PIK3C2G: variants seen among roughly 807,000 people sequenced by gnomAD.
PIK3C2G encodes phosphatidylinositol 3-kinase C2 domain-containing subunit gamma.
Under a neutral mutation model 181.1 loss-of-function variants are expected in PIK3C2G, and 168 were observed. That is an observed-to-expected ratio of 0.93 (90% CI 0.82 to 1.05). The LOEUF (loss-of-function observed/expected upper bound fraction) is 1.05. Ranked by LOEUF, PIK3C2G falls within the 50% of genes least tolerant of loss-of-function variation. PIK3C2G has a pLI of 0.00. For synonymous variants in PIK3C2G, 573 were observed against 592.2 expected (o/e 0.97, Z 0.47); for missense variants, 1,869 against 1,732.8 (o/e 1.08, Z -1.40).
At chr12:18,251,825 C>A (rs375482628) in intron 1 of PIK3C2G, among the ~76,000 whole-genome samples, 63 of 151,980 alleles carry the variant, frequency 4.1e-4, no homozygotes, top group African/African-American at 1.3e-3. Flanking sequence ...AGGATGTCTG[C>A]AAATTAAGCT....
chr12:18,415,424 TG>T (rs1945120338), intron 16 of PIK3C2G, among the ~76,000 whole-genome samples: 1 of 152,204 alleles, frequency 6.6e-6, no homozygotes, highest in Non-Finnish European at 1.5e-5. Context: ...CCATTAATGT[TG>T]TGTGTGTTCT....
chr12:18,503,455 A>G (rs1200938631), intron 23 of PIK3C2G, 38 bp downstream of exon 23: 1 of 1,435,002 alleles, frequency 7.0e-7, no homozygotes, highest in Admixed American at 2.2e-5. Context: ...TAATGTACTT[A>G]AATAAGAATA....
chr12:18,598,737 G>A (rs1383104481), intron 30 of PIK3C2G, among the ~76,000 whole-genome samples: 73 of 147,436 alleles, frequency 5.0e-4, no homozygotes, highest in African/African-American at 1.1e-3. Context: ...GAAAATTTTC[G>A]CAACCTACTC....
intron 11 of PIK3C2G, among the ~76,000 whole-genome samples, chr12:18,353,899 A>G (rs768131313): frequency 3.3e-5 from 5 of 152,202 alleles, no homozygotes; most frequent in Admixed American, 6.5e-5. Flanking sequence ...CAAGTCCTAC[A>G]TAAATCCTCC....
intron 11 of PIK3C2G, chr12:18,358,414 C>G (rs58142149): frequency 0.037 from 6,522 of 175,448 alleles, 231 homozygotes; most frequent in African/African-American, 0.1. Context: ...GGCACCTTAA[C>G]TCAGCATTTG....
chr12:18,319,777 T>C (rs1951025573), intron 6 of PIK3C2G, among the ~76,000 whole-genome samples: 1 of 152,180 alleles, frequency 6.6e-6, no homozygotes, highest in African/African-American at 2.4e-5. Context: ...TTCCCTCTTC[T>C]TTTACTGTAC....
At chr12:18,274,334 C>G (rs371575430) in intron 1 of PIK3C2G, among the ~76,000 whole-genome samples, 1 of 152,174 alleles carries the variant, frequency 6.6e-6, no homozygotes, top group South Asian at 2.1e-4. Flanking sequence ...AATCATGCTG[C>G]TATAAAGACA....
intron 11 of PIK3C2G, chr12:18,358,627 A>G (rs1940962217): frequency 4.1e-6 from 2 of 486,396 alleles, no homozygotes; most frequent in Non-Finnish European, 8.3e-6. Context: ...TTAACCAAAA[A>G]AAATTCCTAT....
At chr12:18,454,331 A>T (rs1592299810) in intron 18 of PIK3C2G, among the ~76,000 whole-genome samples, 1 of 152,196 alleles carries the variant, frequency 6.6e-6, no homozygotes, top group Non-Finnish European at 1.5e-5. Flanking sequence ...TTTTAGATAA[A>T]TCACCTGGGG....
chr12:18,632,410 A>G (rs185481847), intron 31 of PIK3C2G, among the ~76,000 whole-genome samples: 151 of 152,302 alleles, frequency 9.9e-4, no homozygotes, highest in Non-Finnish European at 2.0e-3. Context: ...ATGAAAAGTT[A>G]AGATACCTGC....
At chr12:18,326,756 T>C (rs1000131396) in intron 8 of PIK3C2G, among the ~76,000 whole-genome samples, 1 of 152,176 alleles carries the variant, frequency 6.6e-6, no homozygotes, top group Non-Finnish European at 1.5e-5. Flanking sequence ...TCATGTAGAA[T>C]GTGAAACTTA....
At chr12:18,409,323 C>T (rs1015334849) in intron 16 of PIK3C2G, among the ~76,000 whole-genome samples, 4 of 152,046 alleles carry the variant, frequency 2.6e-5, no homozygotes, top group Admixed American at 2.0e-4. Context: ...CAACTGTTCT[C>T]GCTTGTAAGT....
chr12:18,398,022 T>A (rs1943998749), intron 15 of PIK3C2G, among the ~76,000 whole-genome samples: 1 of 152,098 alleles, frequency 6.6e-6, no homozygotes, highest in South Asian at 2.1e-4. Flanking sequence ...AAGCCATAAA[T>A]AAAAACATAT....
chr12:18,273,274 C>T lies in PIK3C2G; in HGVS notation c.-78-8730C>T, dbSNP rs554425291. On this transcript the variant is annotated intron_variant, in intron 1 of 32. Coordinates refer to ENST00000538779, the MANE Select transcript of PIK3C2G (RefSeq NM_001288772.2). ...TTTTTGTCAGGTTTGTCAACGATCA[C>T]ATAGTTGTAGATATACGGCATTATT... is the stretch of plus-strand genomic sequence containing the variant. Among the ~76,000 whole-genome samples, 5 of 152,236 alleles carry T rather than the reference C, an allele frequency of 3.3e-5. No homozygotes were observed. In the South Asian group the frequency reaches 8.3e-4, roughly 25 times the overall value.
At chr12:18,354,363 G>A (rs1379928483) in intron 11 of PIK3C2G, among the ~76,000 whole-genome samples, 1 of 152,196 alleles carries the variant, frequency 6.6e-6, no homozygotes, top group African/African-American at 2.4e-5. Flanking sequence ...GAGAGGACGG[G>A]GAGAACCCGG....
intron 16 of PIK3C2G, among the ~76,000 whole-genome samples, chr12:18,413,081 C>A (rs548989183): frequency 2.5e-4 from 38 of 152,280 alleles, no homozygotes; most frequent in African/African-American, 9.1e-4. Flanking sequence ...TTAACCCTTA[C>A]AATCTTAGCC....
At chr12:18,494,338 C>T (rs537166327) in intron 20 of PIK3C2G, among the ~76,000 whole-genome samples, 17 of 152,032 alleles carry the variant, frequency 1.1e-4, no homozygotes, top group African/African-American at 3.9e-4. Context: ...TAAAATGTGG[C>T]TTCATTCAAT....
chr12:18,650,395 A>G (rs1950394294), downstream of PIK3C2G, among the ~76,000 whole-genome samples: 1 of 133,782 alleles, frequency 7.5e-6, no homozygotes, highest in Non-Finnish European at 1.5e-5. Flanking sequence ...CTGTGTATAC[A>G]CACACATTTT....
the PIK3C2G span, chr12:18,705,251 A>G: frequency 6.2e-7 from 1 of 1,614,048 alleles, no homozygotes; most frequent in East Asian, 2.2e-5. Flanking sequence ...ATTGTCTGCC[A>G]TTACTTCTTG....
Sources: allele counts gnomAD v4.1 joint callset (sites outside exome capture counted in the v4.1 genomes callset), GRCh38; gene constraint gnomAD v4.1.1; transcripts MANE v1.5; gene names NCBI Gene and HGNC (gene_info 2026-07-23, HGNC 2026-07-21).